The following LRRTM3 variants were observed in gnomAD, a reference collection of about 807,000 sequenced individuals.
The protein encoded by LRRTM3 is leucine-rich repeat transmembrane neuronal protein 3.
A neutral mutation model predicts 44.7 loss-of-function variants in LRRTM3; 24 were observed. The ratio of observed to expected loss-of-function variants is 0.54; its 90% CI spans 0.39 to 0.76. LRRTM3 has a LOEUF of 0.76. LRRTM3 is among the 30% of genes least tolerant of loss of function. LRRTM3 has a pLI of 0.00. For missense variants in LRRTM3, 587 were observed against 702.2 expected (o/e 0.84, Z 1.85); for synonymous variants, 277 against 278.7 (o/e 0.99, Z 0.06).
At chr10:66,973,544 C>A (rs149269997) in intron 2 of LRRTM3, among the ~76,000 whole-genome samples, 7 of 152,166 alleles carry the variant, frequency 4.6e-5, no homozygotes, top group Non-Finnish European at 8.8e-5. Flanking sequence ...TAGTAACATT[C>A]TCATTTATAA....
intron 2 of LRRTM3, among the ~76,000 whole-genome samples, chr10:67,059,067 G>A (rs866208552): frequency 6.6e-6 from 1 of 152,094 alleles, no homozygotes; most frequent in Non-Finnish European, 1.5e-5. Context: ...ATAAATATCT[G>A]CACACACAAA....
chr10:67,052,879 C>A (rs1474681953), intron 2 of LRRTM3, among the ~76,000 whole-genome samples: 2 of 152,032 alleles, frequency 1.3e-5, no homozygotes, highest in Non-Finnish European at 2.9e-5. Context: ...ATGTAAGTTT[C>A]GTAAATTCTA....
chr10:67,074,788 T>C (rs1407653883), intron 2 of LRRTM3, among the ~76,000 whole-genome samples: 2 of 152,140 alleles, frequency 1.3e-5, no homozygotes, highest in South Asian at 2.1e-4. Flanking sequence ...CAAAATACAT[T>C]CTTAATATTA....
At chr10:66,958,297 C>A (rs563978344) in intron 2 of LRRTM3, among the ~76,000 whole-genome samples, 2 of 133,530 alleles carry the variant, frequency 1.5e-5, no homozygotes, top group East Asian at 2.2e-4. Flanking sequence ...TTTCCTCCAC[C>A]TGCTTTCTTG....
chr10:67,017,186 A>T (rs1299096444), intron 2 of LRRTM3, among the ~76,000 whole-genome samples: 1 of 152,200 alleles, frequency 6.6e-6, no homozygotes. Flanking sequence ...GTGATTTCCA[A>T]AGTGTTTTCA....
chr10:66,983,089 A>G (rs1850537165), intron 2 of LRRTM3, among the ~76,000 whole-genome samples: 1 of 152,238 alleles, frequency 6.6e-6, no homozygotes, highest in Non-Finnish European at 1.5e-5. Context: ...TCATAAATCA[A>G]TTACAATGTG....
chr10:67,093,618 C>A (rs775669652), intron 2 of LRRTM3, among the ~76,000 whole-genome samples: 4 of 151,394 alleles, frequency 2.6e-5, no homozygotes, highest in Non-Finnish European at 5.9e-5. Context: ...TACTACCCAG[C>A]GACCAGTCAT....
At chr10:66,958,055 A>C (rs1736828485) in intron 2 of LRRTM3, among the ~76,000 whole-genome samples, 1 of 152,058 alleles carries the variant, frequency 6.6e-6, no homozygotes. Context: ...TTGAACACAC[A>C]AACTATGCAA....
At chr10:67,005,457 A>G (rs544045905) in intron 2 of LRRTM3, among the ~76,000 whole-genome samples, 71 of 151,946 alleles carry the variant, frequency 4.7e-4, no homozygotes, top group African/African-American at 1.6e-3. Context: ...TCACCTGTTC[A>G]TTGTGCCTGT....
chr10:67,095,620 C>T (rs996193603), intron 2 of LRRTM3, among the ~76,000 whole-genome samples: 1 of 151,656 alleles, frequency 6.6e-6, no homozygotes, highest in African/African-American at 2.4e-5. Context: ...TAAATCATCA[C>T]CATAGAAATT....
At chr10:67,004,547 CT>C (rs200806044) in intron 2 of LRRTM3, among the ~76,000 whole-genome samples, 21 of 151,332 alleles carry the variant, frequency 1.4e-4, no homozygotes, top group Non-Finnish European at 2.7e-4. Flanking sequence ...ATATTTGTGG[CT>C]TTTTTTTTCA....
At chr10:67,010,335 ATGTTTTAAAAT>A (rs1371136825) in intron 2 of LRRTM3, among the ~76,000 whole-genome samples, 3 of 152,230 alleles carry the variant, frequency 2.0e-5, no homozygotes, top group East Asian at 3.8e-4. Context: ...AAATCCAACA[ATGTTTTAAAAT>A]TGTTTTAAAA....
intron 2 of LRRTM3, among the ~76,000 whole-genome samples, chr10:67,054,339 C>T (rs923456059): frequency 1.6e-4 from 24 of 152,108 alleles, no homozygotes; most frequent in Admixed American, 6.5e-4. Flanking sequence ...AGAGATGTGA[C>T]CTATAGGTTC....
intron 2 of LRRTM3, among the ~76,000 whole-genome samples, chr10:67,002,930 T>C (rs964214300): frequency 2.0e-5 from 3 of 152,198 alleles, no homozygotes; most frequent in African/African-American, 7.2e-5. Flanking sequence ...GGCTCAAGTT[T>C]TCATTACCTA....
chr10:67,086,598 G>T (rs1327986833), intron 2 of LRRTM3, among the ~76,000 whole-genome samples: 1 of 151,950 alleles, frequency 6.6e-6, no homozygotes, highest in Non-Finnish European at 1.5e-5. Context: ...AGAATGTGAA[G>T]ACTACATCAA....
At chr10:67,085,603 T>G (rs1857262998) in intron 2 of LRRTM3, among the ~76,000 whole-genome samples, 1 of 152,024 alleles carries the variant, frequency 6.6e-6, no homozygotes, top group Non-Finnish European at 1.5e-5. Context: ...TCAGACTTAC[T>G]TTTAAAGTTT....
rs563979879 is a variant in LRRTM3, at chr10:67,060,887, A to T, written c.1537-36700A>T. The stretch of plus-strand genomic sequence containing the variant: ...AGCTATGACTTTAACTAGTTTTTTT[A>T]AATTGTTTTTGACAGTGCAGCATAG... On this transcript the variant is annotated intron_variant, in intron 2 of 2. Transcript: ENST00000361320. Among the ~76,000 whole-genome samples, 5 of 152,304 alleles carry T rather than the reference A, an allele frequency of 3.3e-5. No homozygotes were observed. In the East Asian group the frequency reaches 9.6e-4, roughly 29 times the overall value.
At chr10:67,001,047 A>G (rs1188268191) in intron 2 of LRRTM3, among the ~76,000 whole-genome samples, 2 of 152,166 alleles carry the variant, frequency 1.3e-5, no homozygotes, top group Non-Finnish European at 2.9e-5. Flanking sequence ...TCATGCCTGT[A>G]ATCCCAGCAC....
At chr10:67,080,919 AAAAAAC>A (rs764042590) in intron 2 of LRRTM3, among the ~76,000 whole-genome samples, 13 of 101,048 alleles carry the variant, frequency 1.3e-4, no homozygotes, top group Non-Finnish European at 1.9e-4. Context: ...AAAAAAAACA[AAAAAAC>A]AAAAAAACAA....
Sources: allele counts gnomAD v4.1 joint callset (sites outside exome capture counted in the v4.1 genomes callset), GRCh38; gene constraint gnomAD v4.1.1; transcripts MANE v1.5; gene names NCBI Gene and HGNC (gene_info 2026-07-23, HGNC 2026-07-21).